The following RSPH14 variants were observed in gnomAD, a reference collection of about 807,000 sequenced individuals.
RSPH14 encodes radial spoke head 14 homolog, also known as rhabdoid tumor deletion region gene 1.
Under a neutral mutation model 26.7 loss-of-function variants are expected in RSPH14, and 20 were observed. The observed-to-expected ratio is 0.75, with a 90% CI of 0.53 to 1.09. The LOEUF is 1.09. Ranked by LOEUF, RSPH14 falls within the 50% of genes least tolerant of loss-of-function variation. The pLI is 0.00. For missense variants in RSPH14, 449 were observed against 457.2 expected, an observed-to-expected ratio of 0.98 and a Z score of 0.16; for synonymous variants, 177 against 189.3, an observed-to-expected ratio of 0.93 and a Z score of 0.53.
At chr22:23,156,857 C>A in the RSPH14 span, among the ~76,000 whole-genome samples, 1 of 152,168 alleles carries the variant, frequency 6.6e-6, no homozygotes, top group Admixed American at 6.5e-5. Context: ...ATAAGAGGTG[C>A]GAGGCGCCTG....
At chr22:23,157,557 C>T in the RSPH14 span, among the ~76,000 whole-genome samples, 4 of 152,290 alleles carry the variant, frequency 2.6e-5, no homozygotes, top group Non-Finnish European at 4.4e-5. Context: ...CAGCGCCTGG[C>T]GACTAACAGC....
chr22:23,110,019 C>A (rs550543902), intron 4 of RSPH14, among the ~76,000 whole-genome samples: 1 of 152,164 alleles, frequency 6.6e-6, no homozygotes, highest in Non-Finnish European at 1.5e-5. Flanking sequence ...TTGAGGTTTG[C>A]GGGAGGAAGA....
chr22:23,126,401 G>A (rs1414950734), intron 4 of RSPH14, among the ~76,000 whole-genome samples: 1 of 152,136 alleles, frequency 6.6e-6, no homozygotes, highest in East Asian at 1.9e-4. Flanking sequence ...GCCTTGTTCC[G>A]CTCTTGCCCC....
chr22:23,130,304 A>C (rs980281172), intron 4 of RSPH14, among the ~76,000 whole-genome samples: 4 of 150,788 alleles, frequency 2.7e-5, no homozygotes, highest in African/African-American at 7.3e-5. Context: ...AAATACAAAA[A>C]ATCAGCCGGG....
rs373889564 is a variant in RSPH14, at chr22:23,093,838, A to C, written c.422-29705T>G. 3.2e-3 allele frequency among the ~76,000 whole-genome samples: 485 copies of C among 152,280 alleles called. 3 individuals are homozygous for C. Among genetic ancestry groups the C allele is most frequent in the African/African-American group, 0.011 (459 of 41,552 alleles). On this transcript the variant is annotated intron_variant, in intron 4 of 6. Coordinates refer to ENST00000216036, the MANE Select transcript of RSPH14 (RefSeq NM_014433.3). ...TCAGAGGCTGGCAGGGCTAGGGAGC[A>C]GGTGTGAGAGGCCACCACCACTGCC...
At chr22:23,108,056 C>G (rs912940321) in intron 4 of RSPH14, among the ~76,000 whole-genome samples, 2 of 152,266 alleles carry the variant, frequency 1.3e-5, no homozygotes, top group African/African-American at 4.8e-5. Flanking sequence ...GAGGCCTGTG[C>G]CCCCCGCCCT....
At chr22:23,145,025 G>A (rs552873747), upstream of RSPH14, 82 of 285,414 alleles carry the variant, frequency 2.9e-4, no homozygotes, top group African/African-American at 1.7e-3. Flanking sequence ...GACAGCACTG[G>A]ATTCAGAACT....
chr22:23,140,503 C>T, intron 1 of RSPH14, 31 bp from the exon 2 acceptor site: 2 of 1,530,954 alleles, frequency 1.3e-6, no homozygotes, highest in South Asian at 1.2e-5. Flanking sequence ...GTCATTATTT[C>T]TATTATGATT....
intron 4 of RSPH14, among the ~76,000 whole-genome samples, chr22:23,082,808 G>A (rs2068718967): frequency 6.6e-6 from 1 of 152,164 alleles, no homozygotes; most frequent in Admixed American, 6.5e-5. Flanking sequence ...AGGACATGGG[G>A]GATGGGCCTG....
At chr22:23,063,313 T>C (rs1371475972) in intron 5 of RSPH14, among the ~76,000 whole-genome samples, 2 of 152,152 alleles carry the variant, frequency 1.3e-5, no homozygotes, top group Admixed American at 6.5e-5. Context: ...TAAAGAGACA[T>C]AGCCACAGCT....
chr22:23,145,561 C>G, upstream of RSPH14: 1 of 1,596,514 alleles, frequency 6.3e-7, no homozygotes, highest in Non-Finnish European at 8.5e-7. Context: ...GGTGAGTCAG[C>G]TCGCCCACTC....
chr22:23,140,427 C>G lies in RSPH14; in HGVS notation c.-7G>C. 6.2e-7 allele frequency: 1 copy of G among 1,613,834 alleles called. No individual in the cohort carries two copies. Among genetic ancestry groups the G allele is most frequent in the Non-Finnish European group, 8.5e-7 (1 of 1,179,880 alleles). On this transcript the variant is annotated 5_prime_UTR_variant, in exon 2 of 7. Transcript: ENST00000216036. Reference sequence around the variant, plus strand: ...AGTTCTGGGAATGGGCCATCTTTCCCCAACTACAGAGGCCTTTCCAAATGA... The same window carrying G: ...AGTTCTGGGAATGGGCCATCTTTCCGCAACTACAGAGGCCTTTCCAAATGA...
At position 23,087,645 on chromosome 22, in the gene RSPH14, G is replaced by A. The variant is rs574007159; in HGVS notation, c.422-23512C>T. ...GCATTCAGGAAGCAAAGTTTTTAAGGATAACTTGGTGGATGGGGGGTAGCC... is the reference window on the plus strand; with the variant it reads ...GCATTCAGGAAGCAAAGTTTTTAAGAATAACTTGGTGGATGGGGGGTAGCC... On this transcript the variant is annotated intron_variant, in intron 4 of 6. Transcript: ENST00000216036. Among the ~76,000 whole-genome samples the A allele has an allele frequency of 3.3e-5, 5 of 152,204 alleles. No individual in the cohort carries two copies. In the South Asian group the frequency reaches 1.0e-3, roughly 31 times the overall value.
chr22:23,100,451 C>T (rs1282510180), intron 4 of RSPH14, among the ~76,000 whole-genome samples: 1 of 152,210 alleles, frequency 6.6e-6, no homozygotes, highest in African/African-American at 2.4e-5. Context: ...GTGAGGGTAT[C>T]CAGGGGACGG....
At chr22:23,145,574 T>C, upstream of RSPH14, 1 of 1,589,142 alleles carries the variant, frequency 6.3e-7, no homozygotes, top group Non-Finnish European at 8.5e-7. Context: ...GCCCACTCTG[T>C]CCGACCCTCC....
chr22:23,119,971 G>A (rs2146393038), intron 4 of RSPH14, among the ~76,000 whole-genome samples: 1 of 152,330 alleles, frequency 6.6e-6, no homozygotes, highest in African/African-American at 2.4e-5. Flanking sequence ...AGCCTGAAAT[G>A]CCTGCAAAGC....
At chr22:23,068,176 T>C (rs1408756346) in intron 4 of RSPH14, among the ~76,000 whole-genome samples, 1 of 152,224 alleles carries the variant, frequency 6.6e-6, no homozygotes, top group African/African-American at 2.4e-5. Context: ...CTTCATGTCC[T>C]GCACCGTCCC....
At chr22:23,170,370 T>C in the RSPH14 span, among the ~76,000 whole-genome samples, 1 of 152,142 alleles carries the variant, frequency 6.6e-6, no homozygotes, top group Admixed American at 6.6e-5. Flanking sequence ...AAGGGCCCTT[T>C]TCTAGGTCAC....
At chr22:23,131,502 A>G in intron 4 of RSPH14, 1 of 680,260 alleles carries the variant, frequency 1.5e-6, no homozygotes, top group Non-Finnish European at 2.2e-6. Context: ...TATAGAATGT[A>G]AAGATTTGGC....
Sources: gnomAD v4.1 joint callset for allele counts (sites outside exome capture counted in the v4.1 genomes callset) on GRCh38, gnomAD v4.1.1 for gene constraint, MANE v1.5 for transcripts, NCBI Gene and HGNC (gene_info 2026-07-23, HGNC 2026-07-21) for gene names.